CSNK2A2IP: variants seen among roughly 807,000 people sequenced by gnomAD.
The protein encoded by CSNK2A2IP is casein kinase II subunit alpha'-interacting protein.
the CSNK2A2IP span, among the ~76,000 whole-genome samples, chr3:88,414,852 G>A: frequency 1.3e-5 from 2 of 151,820 alleles, no homozygotes; most frequent in African/African-American, 2.4e-5. Flanking sequence ...TAGTTAAATA[G>A]GAAAGACGAG....
chr3:88,463,248 C>T, the CSNK2A2IP span, among the ~76,000 whole-genome samples: 1 of 103,478 alleles, frequency 9.7e-6, no homozygotes, highest in Non-Finnish European at 2.0e-5. Context: ...GTTGTGATCA[C>T]TTTAGTTTTT....
the CSNK2A2IP span, among the ~76,000 whole-genome samples, chr3:88,437,531 C>T: frequency 1.9e-4 from 29 of 152,184 alleles, no homozygotes; most frequent in African/African-American, 6.8e-4. Flanking sequence ...TATTGTAAAA[C>T]TATTCTTAAA....
the CSNK2A2IP span, among the ~76,000 whole-genome samples, chr3:88,354,071 A>G: frequency 4.6e-5 from 7 of 152,100 alleles, no homozygotes; most frequent in African/African-American, 1.7e-4. Context: ...CTCTTGCTCC[A>G]TCTCTCATCA....
At chr3:88,367,822 T>C in the CSNK2A2IP span, among the ~76,000 whole-genome samples, 7 of 152,218 alleles carry the variant, frequency 4.6e-5, no homozygotes, top group Admixed American at 1.3e-4. Context: ...CTAAACCTCA[T>C]TTGGAACGCA....
At chr3:88,352,209 T>C in the CSNK2A2IP span, among the ~76,000 whole-genome samples, 1 of 152,144 alleles carries the variant, frequency 6.6e-6, no homozygotes, top group African/African-American at 2.4e-5. Context: ...GTTAACTCTC[T>C]CTCTCATCTA....
the CSNK2A2IP span, among the ~76,000 whole-genome samples, chr3:88,353,750 A>G: frequency 6.6e-6 from 1 of 152,338 alleles, no homozygotes; most frequent in Middle Eastern, 3.4e-3. Flanking sequence ...TGATGGAAGG[A>G]CTAAGGAAAG....
chr3:88,439,673 C>T, the CSNK2A2IP span, among the ~76,000 whole-genome samples: 2 of 144,966 alleles, frequency 1.4e-5, no homozygotes, highest in Non-Finnish European at 3.0e-5. Context: ...ACCAGGGAGT[C>T]GGAGGTTGCA....
the CSNK2A2IP span, among the ~76,000 whole-genome samples, chr3:88,385,510 C>G: frequency 6.6e-6 from 1 of 151,624 alleles, no homozygotes; most frequent in Non-Finnish European, 1.5e-5. Flanking sequence ...TATGAAATAA[C>G]TTTTTTTTTG....
the CSNK2A2IP span, among the ~76,000 whole-genome samples, chr3:88,367,834 T>G: frequency 1.3e-5 from 2 of 152,102 alleles, no homozygotes; most frequent in African/African-American, 2.4e-5. Context: ...TGGAACGCAC[T>G]TATTAAAAAT....
chr3:88,434,325 A>G, the CSNK2A2IP span, among the ~76,000 whole-genome samples: 1 of 151,484 alleles, frequency 6.6e-6, no homozygotes, highest in Non-Finnish European at 1.5e-5. Flanking sequence ...TGGTAAAGAG[A>G]TTAAGTGAGG....
the CSNK2A2IP span, among the ~76,000 whole-genome samples, chr3:88,374,611 A>G: frequency 6.6e-6 from 1 of 151,626 alleles, no homozygotes; most frequent in Non-Finnish European, 1.5e-5. Context: ...GCATATCAAA[A>G]CGTACTTTTA....
At chr3:88,342,887 C>T in the CSNK2A2IP span, among the ~76,000 whole-genome samples, 8 of 151,882 alleles carry the variant, frequency 5.3e-5, no homozygotes, top group Non-Finnish European at 1.2e-4. Context: ...TTCTTGGTAG[C>T]CAATAGCCAC....
At chr3:88,466,206 A>G in the CSNK2A2IP span, 395 of 1,231,668 alleles carry the variant, frequency 3.2e-4, 8 homozygotes, top group East Asian at 0.012. Context: ...AAACACCTAT[A>G]TTGAACTCTA....
At chr3:88,427,009 G>A in the CSNK2A2IP span, among the ~76,000 whole-genome samples, 1 of 152,112 alleles carries the variant, frequency 6.6e-6, no homozygotes, top group Non-Finnish European at 1.5e-5. Flanking sequence ...AAAGAAAAAT[G>A]TGGGAAATTT....
chr3:88,385,511 T>G, the CSNK2A2IP span, among the ~76,000 whole-genome samples: 1 of 58,570 alleles, frequency 1.7e-5, no homozygotes, highest in Non-Finnish European at 8.1e-5. Flanking sequence ...ATGAAATAAC[T>G]TTTTTTTTGT....
chr3:88,417,880 T>TA, the CSNK2A2IP span, among the ~76,000 whole-genome samples: 3 of 152,208 alleles, frequency 2.0e-5, no homozygotes, highest in African/African-American at 7.2e-5. Flanking sequence ...TGTATGTACA[T>TA]ATGTGTATTA....
chr3:88,342,326 G>A, the CSNK2A2IP span, among the ~76,000 whole-genome samples: 1 of 151,950 alleles, frequency 6.6e-6, no homozygotes, highest in African/African-American at 2.4e-5. Context: ...ACCTATCATG[G>A]CCCACACCTG....
chr3:88,378,975 C>T, the CSNK2A2IP span, among the ~76,000 whole-genome samples: 12 of 152,014 alleles, frequency 7.9e-5, no homozygotes, highest in African/African-American at 2.9e-4. Flanking sequence ...AAAAACTTGC[C>T]CTCATCTTTG....
At chr3:88,428,255 C>T in the CSNK2A2IP span, among the ~76,000 whole-genome samples, 78 of 152,264 alleles carry the variant, frequency 5.1e-4, no homozygotes, top group Admixed American at 3.2e-3. Context: ...ATGCTTGTAC[C>T]TCCAATGTAT....
Sources: allele counts gnomAD v4.1 joint callset (sites outside exome capture counted in the v4.1 genomes callset), GRCh38; gene constraint gnomAD v4.1.1; transcripts MANE v1.5; gene names NCBI Gene and HGNC (gene_info 2026-07-23, HGNC 2026-07-21).